Variants in GALNT13 observed in about 807,000 individuals in gnomAD.
GALNT13 encodes the protein UDP-GalNAc:polypeptide N-acetylgalactosaminyltransferase 13.
In GALNT13, 28 loss-of-function variants were observed where a neutral mutation model predicts 64.2. That is an observed-to-expected ratio of 0.44 (90% CI 0.32 to 0.60). GALNT13 has a LOEUF of 0.60. Ranked by LOEUF, GALNT13 falls within the 20% of genes least tolerant of loss-of-function variation. GALNT13 has a pLI of 0.05. For missense variants in GALNT13, 577 were observed against 669.8 expected (o/e 0.86, Z 1.53); for synonymous variants, 214 against 224.6 (o/e 0.95, Z 0.42).
chr2:153,977,629 G>A (rs1228795333), intron 3 of GALNT13, among the ~76,000 whole-genome samples: 3 of 152,090 alleles, frequency 2.0e-5, no homozygotes, highest in Admixed American at 1.3e-4. Context: ...TGGAGACACA[G>A]CCAAACCATA....
chr2:153,888,864 ATAAT>A (rs1439031848), intron 1 of GALNT13, among the ~76,000 whole-genome samples: 6 of 152,028 alleles, frequency 3.9e-5, no homozygotes, highest in African/African-American at 9.7e-5. Context: ...TAGTCAATTG[ATAAT>A]TAATCCTGTA....
At chr2:154,044,352 T>C (rs906922306) in intron 3 of GALNT13, among the ~76,000 whole-genome samples, 3 of 152,166 alleles carry the variant, frequency 2.0e-5, no homozygotes, top group Non-Finnish European at 4.4e-5. Context: ...TCGTCAATTA[T>C]CTGAAGGATA....
At chr2:154,135,403 G>C (rs1425139405) in intron 3 of GALNT13, among the ~76,000 whole-genome samples, 6 of 152,140 alleles carry the variant, frequency 3.9e-5, no homozygotes, top group African/African-American at 1.4e-4. Flanking sequence ...TGCTAGACTT[G>C]ATGCAGCCGG....
the GALNT13 span, among the ~76,000 whole-genome samples, chr2:153,826,793 C>T: frequency 0.045 from 6,818 of 151,922 alleles, 195 homozygotes; most frequent in East Asian, 0.13. Context: ...GTAGAAGCAT[C>T]GGATGGGTAG....
chr2:153,173,829 G>A, the GALNT13 span, among the ~76,000 whole-genome samples: 6 of 152,060 alleles, frequency 3.9e-5, no homozygotes, highest in African/African-American at 9.7e-5. Flanking sequence ...TGGGTGAGAC[G>A]CAATATTATT....
chr2:154,169,098 G>A (rs1685204557), intron 4 of GALNT13, among the ~76,000 whole-genome samples: 1 of 151,946 alleles, frequency 6.6e-6, no homozygotes, highest in Non-Finnish European at 1.5e-5. Context: ...AACTGACACT[G>A]CAACACTCCC....
the GALNT13 span, among the ~76,000 whole-genome samples, chr2:153,334,971 TGGG>T: frequency 1.3e-5 from 2 of 152,150 alleles, no homozygotes; most frequent in African/African-American, 4.8e-5. Flanking sequence ...AATTGAATCA[TGGG>T]GGCCAGTCTT....
intron 4 of GALNT13, among the ~76,000 whole-genome samples, chr2:154,158,327 C>G (rs1296839661): frequency 2.0e-5 from 3 of 152,246 alleles, no homozygotes; most frequent in African/African-American, 4.8e-5. Flanking sequence ...TGCACCATCT[C>G]TTTCTCTTAC....
At chr2:153,247,328 A>G in the GALNT13 span, among the ~76,000 whole-genome samples, 1 of 152,234 alleles carries the variant, frequency 6.6e-6, no homozygotes, top group African/African-American at 2.4e-5. Flanking sequence ...AATCAACAGA[A>G]TATACATTCT....
At chr2:154,370,507 G>A (rs144051784) in intron 9 of GALNT13, among the ~76,000 whole-genome samples, 1 of 152,216 alleles carries the variant, frequency 6.6e-6, no homozygotes, top group African/African-American at 2.4e-5. Context: ...TAGTCAACAG[G>A]GTTTGTGAAT....
At chr2:153,476,839 G>A in the GALNT13 span, among the ~76,000 whole-genome samples, 1 of 152,198 alleles carries the variant, frequency 6.6e-6, no homozygotes, top group Non-Finnish European at 1.5e-5. Context: ...TACCTTAGCA[G>A]CTACTTTTCC....
At chr2:154,134,339 A>G (rs1574569645) in intron 3 of GALNT13, among the ~76,000 whole-genome samples, 1 of 152,326 alleles carries the variant, frequency 6.6e-6, no homozygotes, top group South Asian at 2.1e-4. Context: ...TATTTGAGTG[A>G]TCAGAGGTTG....
At chr2:153,429,193 A>G in the GALNT13 span, among the ~76,000 whole-genome samples, 1 of 152,192 alleles carries the variant, frequency 6.6e-6, no homozygotes, top group African/African-American at 2.4e-5. Context: ...TCATTACTCC[A>G]TAGTTTTCCT....
chr2:154,175,645 T>C (rs554574007), intron 4 of GALNT13, among the ~76,000 whole-genome samples: 83 of 152,300 alleles, frequency 5.4e-4, no homozygotes, highest in African/African-American at 1.9e-3. Flanking sequence ...TGAGAATTAA[T>C]TTTTAAGTGT....
At chr2:153,702,193 A>C in the GALNT13 span, among the ~76,000 whole-genome samples, 2 of 152,180 alleles carry the variant, frequency 1.3e-5, no homozygotes, top group Non-Finnish European at 2.9e-5. Flanking sequence ...ATGACTGGCA[A>C]AGCTGGATGG....
chr2:154,305,984 G>T (rs141985055), intron 9 of GALNT13, among the ~76,000 whole-genome samples: 89 of 152,218 alleles, frequency 5.8e-4, no homozygotes, highest in African/African-American at 2.1e-3. Context: ...AGCCACATTT[G>T]TTTCTTTCTG....
At chr2:153,235,979 G>A in the GALNT13 span, among the ~76,000 whole-genome samples, 2 of 152,134 alleles carry the variant, frequency 1.3e-5, no homozygotes, top group Non-Finnish European at 2.9e-5. Context: ...AAAATTAAAG[G>A]TGCTACCTTA....
chr2:153,866,581 G>A, the GALNT13 span, among the ~76,000 whole-genome samples: 1 of 152,130 alleles, frequency 6.6e-6, no homozygotes, highest in African/African-American at 2.4e-5. Context: ...AAATTTGAGT[G>A]TATTAGTATA....
intron 7 of GALNT13, among the ~76,000 whole-genome samples, chr2:154,254,948 G>A (rs1383482858): frequency 6.6e-6 from 1 of 152,050 alleles, no homozygotes; most frequent in Non-Finnish European, 1.5e-5. Context: ...TCAGATGAGA[G>A]AAGAAATTAT....
Sources: allele counts gnomAD v4.1 joint callset (sites outside exome capture counted in the v4.1 genomes callset), GRCh38; gene constraint gnomAD v4.1.1; transcripts MANE v1.5; gene names NCBI Gene and HGNC (gene_info 2026-07-23, HGNC 2026-07-21).